Variants in ARHGAP26 observed in about 807,000 individuals in gnomAD.
ARHGAP26 encodes Rho GTPase activating protein 26.
In ARHGAP26, 38 loss-of-function variants were observed where a neutral mutation model predicts 104.8. The ratio of observed to expected loss-of-function variants is 0.36; its 90% CI spans 0.28 to 0.48. The LOEUF is 0.48. ARHGAP26 is among the 20% of genes least tolerant of loss of function. The probability of loss-of-function intolerance (pLI) is 0.99; values close to 1 mark genes in which losing one functional copy is unlikely to be tolerated. For synonymous variants in ARHGAP26, 341 were observed against 340.0 expected (o/e 1.00, Z -0.03); for missense variants, 704 against 947.9 (o/e 0.74, Z 3.38).
intron 1 of ARHGAP26, 47 bp from the exon 2 acceptor site, chr5:142,873,353 A>G (rs1481159944): frequency 6.9e-7 from 1 of 1,455,430 alleles, no homozygotes; most frequent in Non-Finnish European, 9.5e-7. Context: ...TCAGAAAGCC[A>G]GTTTAATTTT....
chr5:142,989,949 G>A lies in ARHGAP26; in HGVS notation c.1108-24131G>A, dbSNP rs545255691. On this transcript the variant is annotated intron_variant, in intron 11 of 22. Transcript: ENST00000645722. ...TATGTGTCTTGGAGTCGCTTTTCTC[G>A]AGCAGTATCTTTGTGGCTTTCTCTG... Among the ~76,000 whole-genome samples, 3 of 151,998 alleles carry A rather than the reference G, an allele frequency of 2.0e-5. No individual in the cohort carries two copies. The East Asian group carries it at 5.8e-4, about 29-fold the overall frequency.
intron 13 of ARHGAP26, 70 bp from the exon 14 acceptor site, chr5:143,041,746 A>G (rs1783504056): frequency 1.9e-6 from 2 of 1,065,428 alleles, no homozygotes; most frequent in Non-Finnish European, 1.4e-6. Context: ...AAAAAAGTGC[A>G]TTTGGCTGGA....
In ARHGAP26 at chr5:143,136,667, T is replaced by C. The variant is rs1174011407; in HGVS notation, c.1837+2562T>C. Among the ~76,000 whole-genome samples, 6 of 152,154 alleles carry C rather than the reference T, an allele frequency of 3.9e-5. No individual in the cohort carries two copies. In the East Asian group the frequency reaches 1.2e-3, roughly 29 times the overall value. ...GACTGGGGAAGACTGAGCTAGGAGC[T>C]GGAAGGTTCTGCTGGGACCTGCTCC... is the stretch of plus-strand genomic sequence containing the variant. On this transcript the variant is annotated intron_variant, in intron 19 of 22. Coordinates refer to ENST00000645722, the MANE Select transcript of ARHGAP26 (RefSeq NM_001135608.3).
chr5:143,065,426 G>T (rs553550520), intron 17 of ARHGAP26, among the ~76,000 whole-genome samples: 2 of 152,282 alleles, frequency 1.3e-5, no homozygotes, highest in Admixed American at 6.5e-5. Context: ...GCTGAAACGT[G>T]GCAGCTGGCA....
At chr5:143,141,582 T>C (rs1562497353) in intron 19 of ARHGAP26, among the ~76,000 whole-genome samples, 1 of 152,252 alleles carries the variant, frequency 6.6e-6, no homozygotes, top group East Asian at 1.9e-4. Context: ...TTTCATGTAC[T>C]ATCTCAAACC....
intron 11 of ARHGAP26, among the ~76,000 whole-genome samples, chr5:143,003,490 T>G (rs143043349): frequency 1.3e-5 from 2 of 152,374 alleles, no homozygotes; most frequent in East Asian, 3.9e-4. Context: ...TGCAAACATT[T>G]AGATGCCGCA....
At chr5:143,195,223 T>C (rs1806636218) in intron 20 of ARHGAP26, among the ~76,000 whole-genome samples, 2 of 152,214 alleles carry the variant, frequency 1.3e-5, no homozygotes, top group Admixed American at 6.5e-5. Context: ...ATCCTGGACA[T>C]TGTCCTTGCA....
intron 12 of ARHGAP26, among the ~76,000 whole-genome samples, chr5:143,028,082 C>A (rs1781327780): frequency 6.6e-6 from 1 of 152,172 alleles, no homozygotes; most frequent in Non-Finnish European, 1.5e-5. Context: ...TAAATAAAAT[C>A]TTGGTTCCAC....
At chr5:143,012,554 T>TATATATATATATATATAC (rs1778972594) in intron 11 of ARHGAP26, among the ~76,000 whole-genome samples, 3 of 66,182 alleles carry the variant, frequency 4.5e-5, no homozygotes, top group Non-Finnish European at 1.2e-4. Context: ...CATACATACA[T>TATATATATATATATATAC]ATATATATAT....
intron 2 of ARHGAP26, chr5:142,874,810 C>T: frequency 3.6e-6 from 1 of 277,302 alleles, no homozygotes; most frequent in Non-Finnish European, 6.7e-6. Flanking sequence ...CTGCCCCTTC[C>T]AGCCCGGGGC....
In ARHGAP26 at chr5:142,905,726, A is replaced by AT. The variant is rs1190145906; in HGVS notation, c.833-1976dup. Reference sequence around the variant, plus strand: ...CATCTGTTAGGTTGGTGCAAGAGTAATTATGGTTTTTGCCATTAAAAGTAA... The same window carrying AT: ...CATCTGTTAGGTTGGTGCAAGAGTAATTTATGGTTTTTGCCATTAAAAGTAA... On this transcript the variant is annotated intron_variant, in intron 8 of 22. Transcript: ENST00000645722. Among the ~76,000 whole-genome samples the AT allele has an allele frequency of 2.0e-5, 3 of 152,250 alleles. No homozygotes were observed. In the East Asian group the frequency reaches 5.8e-4, roughly 29 times the overall value.
chr5:142,854,489 C>T (rs1752031222), intron 1 of ARHGAP26, among the ~76,000 whole-genome samples: 1 of 152,160 alleles, frequency 6.6e-6, no homozygotes, highest in Non-Finnish European at 1.5e-5. Context: ...CCCACAGTCC[C>T]TGAAATAGGA....
At chr5:143,166,028 C>T (rs1460387415) in intron 20 of ARHGAP26, 3 of 1,320,716 alleles carry the variant, frequency 2.3e-6, no homozygotes, top group South Asian at 1.3e-5. Context: ...TTTTAACAGG[C>T]ACTGGGGATT....
At chr5:142,950,775 C>G (rs1768203355) in intron 11 of ARHGAP26, among the ~76,000 whole-genome samples, 1 of 152,100 alleles carries the variant, frequency 6.6e-6, no homozygotes, top group African/African-American at 2.4e-5. Flanking sequence ...ACAAAGATGA[C>G]TATATGAGTT....
intron 10 of ARHGAP26, among the ~76,000 whole-genome samples, chr5:142,919,836 A>C (rs970633370): frequency 6.6e-6 from 1 of 152,006 alleles, no homozygotes; most frequent in Non-Finnish European, 1.5e-5. Context: ...GTCTTTACTA[A>C]AAATATAGAA....
Position 143,060,941 on chromosome 5 carries a change from A to G in ARHGAP26, c.1538+3194A>G, listed in dbSNP as rs961226748. On this transcript the variant is annotated intron_variant, in intron 17 of 22. Transcript: ENST00000645722. ...GAATTAGAAAGAAGAAGCTCAAAGCAGTGAGTTCAAAAGGGAGATTTTATT... is the reference window on the plus strand; with the variant it reads ...GAATTAGAAAGAAGAAGCTCAAAGCGGTGAGTTCAAAAGGGAGATTTTATT... Among the ~76,000 whole-genome samples the G allele has an allele frequency of 2.0e-5, 3 of 152,248 alleles. No homozygotes were observed. The East Asian group carries it at 5.8e-4, about 29-fold the overall frequency.
chr5:142,872,471 C>T (rs775202074), intron 1 of ARHGAP26, among the ~76,000 whole-genome samples: 2 of 152,100 alleles, frequency 1.3e-5, no homozygotes, highest in Non-Finnish European at 2.9e-5. Context: ...GAATGATTAG[C>T]CTAATCTGCA....
intron 17 of ARHGAP26, among the ~76,000 whole-genome samples, chr5:143,098,807 A>T (rs1429578836): frequency 6.6e-6 from 1 of 152,244 alleles, no homozygotes; most frequent in Admixed American, 6.5e-5. Context: ...AACACATATT[A>T]AGAAATTAAC....
intron 11 of ARHGAP26, among the ~76,000 whole-genome samples, chr5:143,012,552 C>CATATATATATATATATATATATGTATAT (rs1778959977): frequency 2.4e-4 from 5 of 20,828 alleles, no homozygotes; most frequent in Non-Finnish European, 6.9e-4. Context: ...TACATACATA[C>CATATATATATATATATATATATGTATAT]ATATATATAT....
Sources: allele counts gnomAD v4.1 joint callset (sites outside exome capture counted in the v4.1 genomes callset), GRCh38; gene constraint gnomAD v4.1.1; transcripts MANE v1.5; gene names NCBI Gene and HGNC (gene_info 2026-07-23, HGNC 2026-07-21).